The following LDAH variants were observed in gnomAD, a reference collection of about 807,000 sequenced individuals.
LDAH encodes the protein lipid droplet associated hydrolase, also known as lipid droplet-associated hydrolase.
Under a neutral mutation model 29.6 loss-of-function variants are expected in LDAH, and 26 were observed. That is an observed-to-expected ratio of 0.88 (90% CI 0.64 to 1.22). LDAH has a LOEUF of 1.22. Among genes scored for constraint, LDAH ranks in the 50% most tolerant of loss-of-function variants. The pLI is 0.00. For missense variants in LDAH, 344 were observed against 387.3 expected, an observed-to-expected ratio of 0.89 and a Z score of 0.94; for synonymous variants, 117 against 133.0, an observed-to-expected ratio of 0.88 and a Z score of 0.83.
At chr2:20,690,968 G>A (rs1662974016) in intron 6 of LDAH, among the ~76,000 whole-genome samples, 1 of 152,082 alleles carries the variant, frequency 6.6e-6, no homozygotes, top group Non-Finnish European at 1.5e-5. Flanking sequence ...AGATTAACCT[G>A]CTTATTTCAA....
At chr2:20,683,902 A>C (rs1662385330), downstream of LDAH, 1 of 146,614 alleles carries the variant, frequency 6.8e-6, no homozygotes, top group Non-Finnish European at 1.5e-5. Flanking sequence ...GGTGAAGTGA[A>C]GTCTTATGTC....
At chr2:20,795,945 C>CCACACACACA (rs57619975) in intron 2 of LDAH, among the ~76,000 whole-genome samples, 1 of 141,900 alleles carries the variant, frequency 7.0e-6, no homozygotes, top group African/African-American at 2.6e-5. Context: ...CCGAAACCTG[C>CCACACACACA]CACACACACA....
chr2:20,783,699 T>C (rs758518594), intron 3 of LDAH, among the ~76,000 whole-genome samples: 5 of 152,208 alleles, frequency 3.3e-5, no homozygotes, highest in Non-Finnish European at 5.9e-5. Context: ...TTTTTGTTTG[T>C]TTGTTTTAAA....
intron 4 of LDAH, among the ~76,000 whole-genome samples, chr2:20,750,634 TTAAG>T (rs1453951704): frequency 1.3e-5 from 2 of 152,224 alleles, no homozygotes; most frequent in East Asian, 3.8e-4. Context: ...AAAGTTTGCA[TTAAG>T]TAATTAAGCA....
At chr2:20,742,063 T>C (rs753065869) in intron 4 of LDAH, among the ~76,000 whole-genome samples, 19 of 152,246 alleles carry the variant, frequency 1.2e-4, no homozygotes, top group African/African-American at 2.4e-4. Context: ...TATCTTGGAA[T>C]TTCTTTTCTA....
downstream of LDAH, among the ~76,000 whole-genome samples, chr2:20,682,703 T>A (rs572442446): frequency 1.9e-3 from 283 of 152,324 alleles, 6 homozygotes; most frequent in Admixed American, 1.7e-3. Context: ...AGGGCCCTCA[T>A]GACTCAGACA....
At chr2:20,717,789 GTGTC>G (rs951943373) in intron 5 of LDAH, among the ~76,000 whole-genome samples, 11 of 152,178 alleles carry the variant, frequency 7.2e-5, no homozygotes, top group Non-Finnish European at 1.3e-4. Flanking sequence ...GTGTGTGTGT[GTGTC>G]TGTGTGTGTT....
intron 1 of LDAH, among the ~76,000 whole-genome samples, chr2:20,804,847 T>C (rs771014820): frequency 2.0e-5 from 3 of 152,176 alleles, no homozygotes; most frequent in Non-Finnish European, 2.9e-5. Flanking sequence ...ATTAAAAATA[T>C]ATGGACTAAA....
At chr2:20,705,968 C>G (rs1048411553) in intron 5 of LDAH, among the ~76,000 whole-genome samples, 6 of 152,130 alleles carry the variant, frequency 3.9e-5, no homozygotes, top group African/African-American at 9.7e-5. Context: ...GCTATCCAAC[C>G]AATACAAAGG....
chr2:20,763,203 C>A (rs1292071868), intron 4 of LDAH, among the ~76,000 whole-genome samples: 1 of 152,180 alleles, frequency 6.6e-6, no homozygotes. Context: ...GTGGAAAGAA[C>A]TAGAGCACAT....
At chr2:20,784,103 C>T (rs1286164112) in intron 3 of LDAH, among the ~76,000 whole-genome samples, 1 of 152,130 alleles carries the variant, frequency 6.6e-6, no homozygotes, top group African/African-American at 2.4e-5. Context: ...TTAGACCATT[C>T]ACATTTAAAG....
At chr2:20,749,260 G>A (rs1667791342) in intron 4 of LDAH, among the ~76,000 whole-genome samples, 1 of 152,090 alleles carries the variant, frequency 6.6e-6, no homozygotes, top group African/African-American at 2.4e-5. Flanking sequence ...AAGGGTCAAG[G>A]AACCTTTGAA....
chr2:20,818,062 CAT>C (rs1672978888), intron 1 of LDAH, among the ~76,000 whole-genome samples: 1 of 152,116 alleles, frequency 6.6e-6, no homozygotes, highest in Admixed American at 6.5e-5. Flanking sequence ...AGAAGCTACA[CAT>C]AGACCTGTGT....
intron 5 of LDAH, among the ~76,000 whole-genome samples, chr2:20,708,754 G>A (rs1664490546): frequency 6.6e-6 from 1 of 152,124 alleles, no homozygotes; most frequent in Admixed American, 6.5e-5. Flanking sequence ...ATACATCTTT[G>A]TGACCTTAGA....
At chr2:20,786,631 T>C (rs1337797374) in intron 3 of LDAH, among the ~76,000 whole-genome samples, 1 of 152,202 alleles carries the variant, frequency 6.6e-6, no homozygotes, top group Non-Finnish European at 1.5e-5. Flanking sequence ...GTAGCTCCTA[T>C]AGTTATAATG....
chr2:20,745,922 G>C (rs1255023432), intron 4 of LDAH, among the ~76,000 whole-genome samples: 1 of 152,166 alleles, frequency 6.6e-6, no homozygotes, highest in Non-Finnish European at 1.5e-5. Flanking sequence ...AGGCTTTGAT[G>C]AAAGGTGACA....
chr2:20,809,237 A>C (rs1365331410), intron 1 of LDAH, among the ~76,000 whole-genome samples: 1 of 147,736 alleles, frequency 6.8e-6, no homozygotes, highest in East Asian at 2.0e-4. Context: ...TAGAAATACA[A>C]AAAAAAAAAA....
At chr2:20,817,054 G>C (rs1268244505) in intron 1 of LDAH, among the ~76,000 whole-genome samples, 1 of 151,964 alleles carries the variant, frequency 6.6e-6, no homozygotes, top group Admixed American at 6.6e-5. Flanking sequence ...TTTGTGAGAT[G>C]CAACAAAAGC....
chr2:20,753,261 TC>T (rs1668088571), intron 4 of LDAH, among the ~76,000 whole-genome samples: 1 of 152,254 alleles, frequency 6.6e-6, no homozygotes. Flanking sequence ...AACATTTTCA[TC>T]TTCACTTTGT....
Sources: gnomAD v4.1 joint callset for allele counts (sites outside exome capture counted in the v4.1 genomes callset) on GRCh38, gnomAD v4.1.1 for gene constraint, MANE v1.5 for transcripts, NCBI Gene and HGNC (gene_info 2026-07-23, HGNC 2026-07-21) for gene names.